ABCC8: variants seen among roughly 807,000 people sequenced by gnomAD.
The protein encoded by ABCC8 is ATP-binding cassette sub-family C member 8.
In ABCC8, 137 loss-of-function variants were observed where a neutral mutation model predicts 188.0. That is an observed-to-expected ratio of 0.73 (90% CI 0.63 to 0.84). ABCC8 has a LOEUF of 0.84. Among genes scored for constraint, ABCC8 ranks in the 40% least tolerant of loss-of-function variants. The probability of loss-of-function intolerance (pLI) is 0.00; values close to 1 mark genes in which losing one functional copy is unlikely to be tolerated. For missense variants in ABCC8, 1,750 were observed against 2,072.7 expected (o/e 0.84, Z 3.02); for synonymous variants, 797 against 846.5 (o/e 0.94, Z 1.01).
intron 12 of ABCC8, chr11:17,430,229 G>A (rs990423141): frequency 1.8e-4 from 29 of 162,840 alleles, no homozygotes; most frequent in Admixed American, 6.2e-4. Context: ...TCCCAAGAGG[G>A]CAATGCCTCT....
intron 21 of ABCC8, among the ~76,000 whole-genome samples, chr11:17,411,620 T>C (rs1313154388): frequency 6.6e-6 from 1 of 152,166 alleles, no homozygotes; most frequent in African/African-American, 2.4e-5. Flanking sequence ...TCTGTTTAAT[T>C]GACTCTCCCT....
chr11:17,463,329 G>A, intron 4 of ABCC8, 109 bp downstream of exon 4: 1 of 968,890 alleles, frequency 1.0e-6, no homozygotes, highest in Non-Finnish European at 1.6e-6. Context: ...AAAACAAGCT[G>A]ATCCCTTCTC....
At chr11:17,436,043 T>C (rs80205120) in intron 10 of ABCC8, 1 of 1,112,536 alleles carries the variant, frequency 9.0e-7, no homozygotes, top group Non-Finnish European at 1.4e-6. Context: ...CAGTTTGAAC[T>C]TGTGTTCTTA....
chr11:17,464,213 C>T (rs1210956190), intron 3 of ABCC8, among the ~76,000 whole-genome samples: 1 of 152,148 alleles, frequency 6.6e-6, no homozygotes, highest in East Asian at 1.9e-4. Flanking sequence ...GAAACTGAGG[C>T]CCAGAAATAG....
At chr11:17,406,434 C>T in intron 26 of ABCC8, 188 bp downstream of exon 26, 1 of 630,924 alleles carries the variant, frequency 1.6e-6, no homozygotes, top group South Asian at 1.9e-5. Flanking sequence ...ATCACAGTAT[C>T]TGGCTGAGTA....
chr11:17,460,288 T>C lies in ABCC8; in HGVS notation c.1011+200A>G, dbSNP rs549034780. On this transcript the variant is annotated intron_variant, in intron 6 of 38. Coordinates refer to ENST00000389817, the MANE Select transcript of ABCC8 (RefSeq NM_000352.6). Reference sequence around the variant, plus strand: ...ACGGTGAGAGGAGAGTAGGATACCCTTGGGGCATAGGCTCGCCCTCTGGCA... The same window carrying C: ...ACGGTGAGAGGAGAGTAGGATACCCCTGGGGCATAGGCTCGCCCTCTGGCA... Among the ~76,000 whole-genome samples, 4 of 152,324 alleles carry C rather than the reference T, an allele frequency of 2.6e-5. No homozygotes were observed. In the South Asian group the frequency reaches 6.2e-4, roughly 24 times the overall value.
intron 3 of ABCC8, among the ~76,000 whole-genome samples, chr11:17,463,836 G>A (rs1364088478): frequency 2.0e-5 from 3 of 152,138 alleles, no homozygotes; most frequent in African/African-American, 7.2e-5. Flanking sequence ...AATCAAACTG[G>A]TCAGACAAAT....
chr11:17,412,594 G>A (rs578126380), intron 21 of ABCC8, 72 bp downstream of exon 21: 18 of 1,540,172 alleles, frequency 1.2e-5, no homozygotes, highest in Admixed American at 1.9e-5. Flanking sequence ...GTGGGGTTGC[G>A]GGGAGGTGGA....
In ABCC8 at chr11:17,402,627, T is replaced by C. The variant is rs915884812; in HGVS notation, c.3650+34A>G. Reference sequence around the variant, plus strand: ...CTGTGCCCCCTGGCCCCACCCCTGTTCCACTCCTACCTTGGGGGAATGTGG... The same window carrying C: ...CTGTGCCCCCTGGCCCCACCCCTGTCCCACTCCTACCTTGGGGGAATGTGG... On this transcript the variant is annotated intron_variant, in intron 29 of 38. Transcript: ENST00000389817. The C allele has an allele frequency of 3.1e-6, 5 of 1,614,098 alleles. No individual in the cohort carries two copies. The African/African-American group carries it at 6.7e-5, about 22-fold the overall frequency.
At chr11:17,448,785 CT>C (rs1459513121) in intron 7 of ABCC8, 114 bp from the exon 8 acceptor site, 2 of 1,564,712 alleles carry the variant, frequency 1.3e-6, no homozygotes, top group Non-Finnish European at 1.8e-6. Context: ...CCATGGTGCC[CT>C]AGAGCAGCTC....
chr11:17,433,169 G>A (rs896581877), intron 10 of ABCC8, among the ~76,000 whole-genome samples: 1 of 152,108 alleles, frequency 6.6e-6, no homozygotes, highest in African/African-American at 2.4e-5. Context: ...CTGACCCCAG[G>A]CCTAAATTTC....
intron 12 of ABCC8, 149 bp from the exon 13 acceptor site, chr11:17,428,819 A>C: frequency 1.4e-6 from 2 of 1,422,290 alleles, no homozygotes; most frequent in East Asian, 2.5e-5. Flanking sequence ...ACCAGTGGGC[A>C]TGGGGGCAGG....
At chr11:17,462,652 T>A (rs1847895694) in intron 4 of ABCC8, among the ~76,000 whole-genome samples, 1 of 152,212 alleles carries the variant, frequency 6.6e-6, no homozygotes, top group Non-Finnish European at 1.5e-5. Context: ...TAAATGCCCA[T>A]CCATAGAGAA....
At chr11:17,461,498 T>G (rs1350225291) in intron 5 of ABCC8, 85 bp downstream of exon 5, 3 of 1,566,426 alleles carry the variant, frequency 1.9e-6, no homozygotes, top group Non-Finnish European at 2.6e-6. Flanking sequence ...CCACCAGGAT[T>G]TTGACCTAAT....
At chr11:17,407,210 C>T in intron 24 of ABCC8, 81 bp from the exon 25 acceptor site, 3 of 1,603,272 alleles carry the variant, frequency 1.9e-6, no homozygotes, top group Non-Finnish European at 2.6e-6. Flanking sequence ...TCCCCACTTA[C>T]TGAGGGGACA....
chr11:17,414,819 C>A (rs1222339461), intron 18 of ABCC8: 4 of 488,402 alleles, frequency 8.2e-6, no homozygotes, highest in East Asian at 1.5e-4. Flanking sequence ...GGCAGCAGGA[C>A]CTCATCCCCT....
Position 17,413,524 on chromosome 11 carries a change from A to G in ABCC8, c.2391-46T>C, listed in dbSNP as rs760032548. 19 of 1,612,486 alleles carry G rather than the reference A, an allele frequency of 1.2e-5. No individual in the cohort carries two copies. In the East Asian group the frequency reaches 4.0e-4, roughly 34 times the overall value. On this transcript the variant is annotated intron_variant, in intron 19 of 38. Transcript: ENST00000389817. ...GGATGCAGCTGGTCAGCCTGGTCAG[A>G]GTTGGCCCGAGCACTTGCAGAGGGT...
intron 10 of ABCC8, among the ~76,000 whole-genome samples, chr11:17,437,179 G>T (rs1956138164): frequency 6.9e-6 from 1 of 144,070 alleles, no homozygotes; most frequent in Admixed American, 6.9e-5. Flanking sequence ...GCTGGGTTCT[G>T]GGGACTACGG....
At chr11:17,409,937 A>AGTG (rs1162673018) in intron 22 of ABCC8, among the ~76,000 whole-genome samples, 3 of 152,022 alleles carry the variant, frequency 2.0e-5, no homozygotes, top group Admixed American at 6.5e-5. Context: ...GCTGTAGTGG[A>AGTG]GTGCAGTGGC....
Sources: gnomAD v4.1 joint callset for allele counts (sites outside exome capture counted in the v4.1 genomes callset) on GRCh38, gnomAD v4.1.1 for gene constraint, MANE v1.5 for transcripts, NCBI Gene and HGNC (gene_info 2026-07-23, HGNC 2026-07-21) for gene names.